SYT17: variants seen among roughly 807,000 people sequenced by gnomAD.
SYT17 encodes the protein synaptotagmin 17.
SYT17 carries 22 observed loss-of-function variants against 46.7 expected under a neutral mutation model. That is an observed-to-expected ratio of 0.47 (90% CI 0.34 to 0.67). SYT17 has a LOEUF of 0.67. Ranked by LOEUF, SYT17 falls within the 30% of genes least tolerant of loss-of-function variation. The pLI, the probability that SYT17 is intolerant of heterozygous loss-of-function variation, is 0.01. For missense variants in SYT17, 519 were observed against 612.8 expected (o/e 0.85, Z 1.62); for synonymous variants, 251 against 248.4 (o/e 1.01, Z -0.10).
intron 5 of SYT17, among the ~76,000 whole-genome samples, chr16:19,209,986 A>G (rs1022088399): frequency 3.3e-5 from 5 of 152,208 alleles, no homozygotes; most frequent in Admixed American, 6.5e-5. Context: ...GCCTAATGGA[A>G]TGTTGTATGT....
chr16:19,209,715 CAA>C (rs150786893), intron 5 of SYT17, among the ~76,000 whole-genome samples: 1 of 140,692 alleles, frequency 7.1e-6, no homozygotes, highest in Non-Finnish European at 1.6e-5. Context: ...CTAAAAAATA[CAA>C]AAAAAAAAAA....
At chr16:19,184,407 T>C (rs953225730) in intron 5 of SYT17, among the ~76,000 whole-genome samples, 1 of 151,750 alleles carries the variant, frequency 6.6e-6, no homozygotes, top group African/African-American at 2.4e-5. Context: ...TTTTTTTTTT[T>C]TTTTGAGACG....
At chr16:19,222,426 T>G (rs774733436) in intron 5 of SYT17, among the ~76,000 whole-genome samples, 1 of 152,130 alleles carries the variant, frequency 6.6e-6, no homozygotes, top group Non-Finnish European at 1.5e-5. Context: ...ATCAAGGGGA[T>G]GGGTACTCTT....
At chr16:19,244,613 G>A (rs1038048571) in intron 7 of SYT17, among the ~76,000 whole-genome samples, 1 of 152,124 alleles carries the variant, frequency 6.6e-6, no homozygotes, top group Non-Finnish European at 1.5e-5. Flanking sequence ...GGGATTACAG[G>A]CATGAGCCAC....
intron 7 of SYT17, among the ~76,000 whole-genome samples, chr16:19,254,771 T>A (rs1052063223): frequency 6.6e-6 from 1 of 152,216 alleles, no homozygotes; most frequent in Non-Finnish European, 1.5e-5. Flanking sequence ...GTTGTTCATG[T>A]CAAAACAAGC....
intron 7 of SYT17, among the ~76,000 whole-genome samples, chr16:19,238,426 C>G (rs189562060): frequency 6.6e-6 from 1 of 152,308 alleles, no homozygotes; most frequent in Non-Finnish European, 1.5e-5. Flanking sequence ...TAGACCTGAC[C>G]TGTTACCCTG....
intron 5 of SYT17, among the ~76,000 whole-genome samples, chr16:19,206,682 C>T (rs994807105): frequency 7.2e-5 from 11 of 152,144 alleles, no homozygotes; most frequent in African/African-American, 2.7e-4. Context: ...TCCTGGTACT[C>T]CTTGGCTGAG....
chr16:19,228,777 C>T (rs1352068863), intron 7 of SYT17, among the ~76,000 whole-genome samples: 1 of 152,210 alleles, frequency 6.6e-6, no homozygotes, highest in Non-Finnish European at 1.5e-5. Flanking sequence ...AGGTTCTAAC[C>T]TGCTTTATTT....
chr16:19,175,496 A>G (rs1964277662), intron 3 of SYT17, among the ~76,000 whole-genome samples: 1 of 152,006 alleles, frequency 6.6e-6, no homozygotes, highest in Non-Finnish European at 1.5e-5. Context: ...CTCTACAAAA[A>G]TTTAAAAAAT....
At chr16:19,230,030 A>T (rs1966624395) in intron 7 of SYT17, among the ~76,000 whole-genome samples, 1 of 152,208 alleles carries the variant, frequency 6.6e-6, no homozygotes, top group South Asian at 2.1e-4. Flanking sequence ...CAGAAAATAG[A>T]ATAGAGATTA....
chr16:19,260,518 A>G (rs1489189910), intron 7 of SYT17, among the ~76,000 whole-genome samples: 7 of 134,254 alleles, frequency 5.2e-5, no homozygotes, highest in East Asian at 2.9e-4. Context: ...AAAAAAAAAA[A>G]AAAAAAAAAA....
chr16:19,202,576 C>T (rs1349072125), intron 5 of SYT17, among the ~76,000 whole-genome samples: 2 of 152,212 alleles, frequency 1.3e-5, no homozygotes, highest in African/African-American at 4.8e-5. Flanking sequence ...CAGAACTCAA[C>T]CTCCAGCCCC....
At chr16:19,264,999 A>G (rs1969265623) in intron 7 of SYT17, among the ~76,000 whole-genome samples, 1 of 152,192 alleles carries the variant, frequency 6.6e-6, no homozygotes, top group African/African-American at 2.4e-5. Context: ...GAAGAAGAAG[A>G]TAGAACATTT....
chr16:19,264,673 C>T (rs1396140279), intron 7 of SYT17, among the ~76,000 whole-genome samples: 1 of 151,702 alleles, frequency 6.6e-6, no homozygotes, highest in African/African-American at 2.4e-5. Flanking sequence ...TCACTGCAGC[C>T]TTGACTTCCC....
intron 7 of SYT17, among the ~76,000 whole-genome samples, chr16:19,230,456 T>TGTGAATATA (rs1966641082): frequency 6.6e-6 from 1 of 151,702 alleles, no homozygotes; most frequent in Non-Finnish European, 1.5e-5. Context: ...TACACAACAC[T>TGTGAATATA]GTGAATATAC....
At chr16:19,231,625 C>A (rs544859998) in intron 7 of SYT17, among the ~76,000 whole-genome samples, 6 of 150,560 alleles carry the variant, frequency 4.0e-5, no homozygotes, top group Non-Finnish European at 8.8e-5. Flanking sequence ...GTTTCCAAAG[C>A]CTGGGGGAAG....
At chr16:19,174,147 C>T (rs985297836) in intron 3 of SYT17, among the ~76,000 whole-genome samples, 6 of 152,228 alleles carry the variant, frequency 3.9e-5, no homozygotes, top group African/African-American at 7.2e-5. Flanking sequence ...TGTCCTCCAA[C>T]GCTGTTTATG....
chr16:19,222,180 T>C (rs1966342614), intron 5 of SYT17, among the ~76,000 whole-genome samples: 1 of 152,226 alleles, frequency 6.6e-6, no homozygotes, highest in Non-Finnish European at 1.5e-5. Flanking sequence ...CAAGTCAGAA[T>C]ATAGGTGAAA....
intron 5 of SYT17, among the ~76,000 whole-genome samples, chr16:19,214,895 T>G (rs1306030068): frequency 6.6e-6 from 1 of 151,000 alleles, no homozygotes; most frequent in Non-Finnish European, 1.5e-5. Context: ...GTCAAGGGAG[T>G]CTCCCACCTC....
Sources: gnomAD v4.1 joint callset for allele counts (sites outside exome capture counted in the v4.1 genomes callset) on GRCh38, gnomAD v4.1.1 for gene constraint, MANE v1.5 for transcripts, NCBI Gene and HGNC (gene_info 2026-07-23, HGNC 2026-07-21) for gene names.